APOB: variants seen among roughly 807,000 people sequenced by gnomAD.
APOB encodes the protein apolipoprotein B, also known as apolipoprotein B-100.
In APOB, 153 loss-of-function variants were observed where a neutral mutation model predicts 314.1. The observed-to-expected ratio is 0.49, with a 90% CI of 0.43 to 0.56. APOB has a LOEUF of 0.56. Ranked by LOEUF, APOB falls within the 20% of genes least tolerant of loss-of-function variation. The pLI is 0.00. For missense variants in APOB, 5,430 were observed against 5,350.7 expected (o/e 1.01, Z -0.46); for synonymous variants, 2,087 against 2,036.4 (o/e 1.02, Z -0.67).
At chr2:21,027,761 C>T in intron 14 of APOB, 67 bp downstream of exon 14, 1 of 1,269,820 alleles carries the variant, frequency 7.9e-7, no homozygotes, top group Admixed American at 1.7e-5. Flanking sequence ...GCTCCTGGCT[C>T]CCAGGGACTC....
Position 21,023,036 on chromosome 2 carries a change from C to G in APOB, c.2611G>C (p.Ala871Pro), listed in dbSNP as rs144622446. 1.2e-6 allele frequency: 2 copies of G among 1,614,054 alleles called. No individual in the cohort carries two copies. The highest frequency in any genetic ancestry group is 1.7e-6 in the Non-Finnish European group (2 of 1,179,952). The change falls in exon 18 of 29, where the codon GCT (alanine) becomes CCT (proline). Residue 871 changes from alanine (A) to proline (P), a missense_variant. Coordinates refer to ENST00000233242, the MANE Select transcript of APOB (RefSeq NM_000384.3). ...GVKLEVANMQ[A>P]ELVAKPSVSV... Reference sequence around the variant, plus strand: ...ACGGAGGGTTTTGCCACCAGTTCAGCCTGCATCTATAAGTCAGAAAACAAC... The same window carrying G: ...ACGGAGGGTTTTGCCACCAGTTCAGGCTGCATCTATAAGTCAGAAAACAAC...
chr2:21,001,470 C>A lies in APOB; in HGVS notation c.*260G>T. ...GACTCCATTTATTTGTTCCTCCTCCCCCAAGTTTAGCAAAATAACTCAGAT... is the reference window on the plus strand; with the variant it reads ...GACTCCATTTATTTGTTCCTCCTCCACCAAGTTTAGCAAAATAACTCAGAT... On this transcript the variant is annotated 3_prime_UTR_variant, in exon 29 of 29. Coordinates refer to ENST00000233242, the MANE Select transcript of APOB (RefSeq NM_000384.3). The A allele has an allele frequency of 2.2e-6, 1 of 451,534 alleles. No individual in the cohort carries two copies. 28.0% of individuals were successfully genotyped at this position (451,534 alleles called of 1,614,324 possible).
chr2:21,028,072 A>G lies in APOB; in HGVS notation c.1830-7T>C, dbSNP rs773181145. Reference sequence around the variant, plus strand: ...TTTCACTAACTTTTTCAGACTAGATAAGAAGAAGTATATTTTGAGCTGACA... The same window carrying G: ...TTTCACTAACTTTTTCAGACTAGATGAGAAGAAGTATATTTTGAGCTGACA... On this transcript the variant is annotated splice_region_variant and splice_polypyrimidine_tract_variant and intron_variant, in intron 13 of 28. Coordinates refer to ENST00000233242, the MANE Select transcript of APOB (RefSeq NM_000384.3). 8 of 1,569,184 alleles carry G rather than the reference A, an allele frequency of 5.1e-6. No individual in the cohort carries two copies. In the South Asian group the frequency reaches 8.9e-5, roughly 17 times the overall value.
chr2:21,042,412 A>G lies in APOB; in HGVS notation c.186T>C (p.Ser62=), dbSNP rs1340913417. 1 of 1,614,132 alleles carries G rather than the reference A, an allele frequency of 6.2e-7. No homozygotes were observed. Among genetic ancestry groups the G allele is most frequent in the Non-Finnish European group, 8.5e-7 (1 of 1,180,038 alleles). Residue 62 remains serine (S), a synonymous_variant, in exon 3 of 29, where the codon AGT becomes AGC. Transcript: ENST00000233242. ...YTYNYEAESS[S]GVPGTADSRS... ...TTGAATCAGCAGTCCCAGGGACTCC[A>G]CTGGAACTCTCAGCCTCATAGTTGT...
intron 14 of APOB, 107 bp from the exon 15 acceptor site, chr2:21,027,071 C>T (rs753999764): frequency 1.6e-5 from 16 of 1,017,576 alleles, no homozygotes; most frequent in Non-Finnish European, 2.4e-5. Context: ...TATTTGAATA[C>T]CACAGGCCAG....
rs1271191797 is a variant in APOB, at chr2:21,008,273, A to AT, written c.8594dup (p.Asn2865LysfsTer6). On this transcript the variant is annotated frameshift_variant, in exon 26 of 29. Transcript: ENST00000233242. LOFTEE classifies it high-confidence loss of function. ...TCACTCCATTACTAAGCTCCAGTGTATTTTTTTCTGTGTGTAAACTTGCCA... is the reference window on the plus strand; with the variant it reads ...TCACTCCATTACTAAGCTCCAGTGTATTTTTTTTCTGTGTGTAAACTTGCCA... The AT allele has an allele frequency of 3.1e-6, 5 of 1,613,584 alleles. No homozygotes were observed. The highest frequency in any genetic ancestry group is 4.2e-6 in the Non-Finnish European group (5 of 1,179,828).
Position 21,002,043 on chromosome 2 carries a change from C to A in APOB, c.13379G>T (p.Gly4460Val). The change falls in exon 29 of 29, where the codon GGA becomes GTA. Residue 4460 changes from glycine to valine, a missense_variant. Physicochemically the swap from Gly to Val is moderately radical, Grantham distance 109. Transcript: ENST00000233242. ...EYLSILTDPD[G>V]KGKEKIAELS... ...CTCTGCAATCTTCTCTTTCCCTTTT[C>A]CATCTGGATCGGTAAGGATGCTAAG... 1 of 1,614,000 alleles carries A rather than the reference C, an allele frequency of 6.2e-7. No homozygotes were observed. The highest frequency in any genetic ancestry group is 8.5e-7 in the Non-Finnish European group (1 of 1,179,984).
chr2:21,018,330 A>T (rs528702240), intron 20 of APOB, among the ~76,000 whole-genome samples: 2 of 152,152 alleles, frequency 1.3e-5, no homozygotes, highest in Non-Finnish European at 2.9e-5. Context: ...GGACTCCCCA[A>T]TGGCTTTCGT....
Position 21,006,506 on chromosome 2 carries a change from G to C in APOB, c.10362C>G (p.Val3454=), listed in dbSNP as rs142403567. ...CATACTTAAATTCCATGGAGGAAGAGACAGTAGGTTTTGACTTGGTATTTC... is the reference window on the plus strand; with the variant it reads ...CATACTTAAATTCCATGGAGGAAGACACAGTAGGTTTTGACTTGGTATTTC... The part of the protein sequence containing the change: ...LNGNTKSKPT[V]SSSMEFKYDF... The change falls in exon 26 of 29, where the codon GTC becomes GTG. Residue 3454 remains valine (V), a synonymous_variant. Coordinates refer to ENST00000233242, the MANE Select transcript of APOB (RefSeq NM_000384.3). 1.2e-6 allele frequency: 2 copies of C among 1,614,152 alleles called. No individual in the cohort carries two copies.
In APOB at chr2:21,002,428, C is replaced by T. The variant is rs1300424460; in HGVS notation, c.12994G>A (p.Glu4332Lys). The change falls in exon 29 of 29, where the codon GAG becomes AAG. Residue 4332 changes from glutamate (E) to lysine (K), a missense_variant. Physicochemically the swap from Glu to Lys is moderately conservative, Grantham distance 56. Transcript: ENST00000233242. Reference protein sequence around the residue: ...FTYLINYIQDEINTIFSDYIP... With the variant: ...FTYLINYIQDKINTIFSDYIP... Reference sequence around the variant, plus strand: ...TAATCACTGAAGATTGTGTTGATCTCATCTTGGATATAATTAATAAGATAA... The same window carrying T: ...TAATCACTGAAGATTGTGTTGATCTTATCTTGGATATAATTAATAAGATAA... 6.2e-7 allele frequency: 1 copy of T among 1,601,272 alleles called. No individual in the cohort carries two copies. Among genetic ancestry groups the T allele is most frequent in the Non-Finnish European group, 8.5e-7 (1 of 1,171,868 alleles).
rs1172591666 is a variant in APOB at position 21,006,699 on chromosome 2, T to C, written c.10169A>G (p.Lys3390Arg). Reference protein sequence around the residue: ...KLEGTTRLTRKRGLKLATALS... With the variant: ...KLEGTTRLTRRRGLKLATALS... ...AGCTGTGGCTAACTTCAATCCCCTT[T>C]TTCTTGTCAATCTTGTGGTGCCCTC... The change falls in exon 26 of 29, where the codon AAA becomes AGA. Residue 3390 changes from lysine to arginine, a missense_variant. Physicochemically the swap from Lys to Arg is conservative, Grantham distance 26 (BLOSUM62 2). Transcript: ENST00000233242. 1 of 1,613,996 alleles carries C rather than the reference T, an allele frequency of 6.2e-7. No homozygotes were observed. The highest frequency in any genetic ancestry group is 8.5e-7 in the Non-Finnish European group (1 of 1,179,982).
Position 21,037,168 on chromosome 2 carries a change from G to T in APOB, c.625C>A (p.Leu209Met). Residue 209 changes from leucine to methionine, a missense_variant, in exon 6 of 29, where the codon CTG becomes ATG. By Grantham distance (15) the Leu-to-Met change is conservative. Transcript: ENST00000233242. Reference protein sequence around the residue: ...VATEISTERDLGQCDRFKPIR... With the variant: ...VATEISTERDMGQCDRFKPIR... ...GGCTTGAAGCGATCACACTGCCCCAGGTCTCTTTCAGTGGATATTTCTGTT... is the reference window on the plus strand; with the variant it reads ...GGCTTGAAGCGATCACACTGCCCCATGTCTCTTTCAGTGGATATTTCTGTT... 2 of 1,614,208 alleles carry T rather than the reference G, an allele frequency of 1.2e-6. No homozygotes were observed. Among genetic ancestry groups the T allele is most frequent in the African/African-American group, 1.3e-5 (1 of 75,044 alleles).
chr2:21,031,413 C>T (rs1663876300), intron 10 of APOB, among the ~76,000 whole-genome samples: 1 of 152,072 alleles, frequency 6.6e-6, no homozygotes, highest in South Asian at 2.1e-4. Flanking sequence ...CACACAAGGA[C>T]ATAGTGTGTG....
At chr2:21,018,376 C>T (rs1572790003) in intron 20 of APOB, among the ~76,000 whole-genome samples, 1 of 152,294 alleles carries the variant, frequency 6.6e-6, no homozygotes, top group South Asian at 2.1e-4. Context: ...CTTACCATGG[C>T]CTATGAGATT....
Position 21,002,308 on chromosome 2 carries a change from G to T in APOB, c.13114C>A (p.Gln4372Lys), listed in dbSNP as rs1442815965. 1 of 1,613,398 alleles carries T rather than the reference G, an allele frequency of 6.2e-7. No homozygotes were observed. Among genetic ancestry groups the T allele is most frequent in the Non-Finnish European group, 8.5e-7 (1 of 1,179,866 alleles). The change falls in exon 29 of 29, where the codon CAA becomes AAA. Residue 4372 changes from glutamine to lysine, a missense_variant. Physicochemically the swap from Gln to Lys is moderately conservative, Grantham distance 53. Around this residue, in one of 3 missense-constraint regions of APOB, gnomAD observed 3,281 missense variants for 3,171.0 expected, o/e 1.03. Coordinates refer to ENST00000233242, the MANE Select transcript of APOB (RefSeq NM_000384.3). ...TATTGATGGATCTGCTGTAACTCTT[G>T]AGAAGCTTCCTGAAGCTCGTTTTGA... Reference protein sequence around the residue: ...FIQNELQEASQELQQIHQYIM... With the variant: ...FIQNELQEASKELQQIHQYIM...
In APOB at chr2:21,003,195, T is replaced by C. The variant is rs1424482613; in HGVS notation, c.12227A>G (p.Lys4076Arg). The C allele has an allele frequency of 6.2e-7, 1 of 1,614,082 alleles. No homozygotes were observed. The highest frequency in any genetic ancestry group is 1.1e-5 in the South Asian group (1 of 91,066). Residue 4076 changes from lysine to arginine, a missense_variant, in exon 29 of 29, where the codon AAG becomes AGG. Physicochemically the swap from Lys to Arg is conservative, Grantham distance 26 (BLOSUM62 2). Transcript: ENST00000233242. ...LLTSLKDNVP[K>R]ATGVLYDYVN... ...ATAATCATAAAGGACCCCTGTGGCC[T>C]TGGGCACGTTGTCTTTCAGAGAGGT...
chr2:21,024,404 G>C (rs1237953844), intron 16 of APOB: 1 of 166,116 alleles, frequency 6.0e-6, no homozygotes, highest in Non-Finnish European at 1.3e-5. Flanking sequence ...GATCACTTGA[G>C]GTCAGGAGTT....
chr2:21,012,740 C>A, intron 25 of APOB, 89 bp from the exon 26 acceptor site: 1 of 1,454,224 alleles, frequency 6.9e-7, no homozygotes, highest in Non-Finnish European at 9.4e-7. Context: ...TAATAAAGCC[C>A]CATTTTTCTG....
In APOB at chr2:21,035,462, C is replaced by G. The variant is rs535953982; in HGVS notation, c.818+122G>C. On this transcript the variant is annotated intron_variant, in intron 7 of 28. Coordinates refer to ENST00000233242, the MANE Select transcript of APOB (RefSeq NM_000384.3). The stretch of plus-strand genomic sequence containing the variant: ...TAAAAAGGGGGACAGGGAGGGGCGG[C>G]ATTTTATCCCTCTCCATTCCTCCCT... 1.7e-5 allele frequency: 22 copies of G among 1,308,608 alleles called. No individual in the cohort carries two copies. The African/African-American group carries it at 2.9e-4, about 17-fold the overall frequency. 81.1% of individuals were successfully genotyped at this position (1,308,608 alleles called of 1,614,324 possible).
Sources: allele counts gnomAD v4.1 joint callset (sites outside exome capture counted in the v4.1 genomes callset), GRCh38; gene constraint gnomAD v4.1.1; regional missense constraint gnomAD v4.1.1; transcripts MANE v1.5; gene names NCBI Gene and HGNC (gene_info 2026-07-23, HGNC 2026-07-21).